The following RSF1 variants were observed in gnomAD, a reference collection of about 807,000 sequenced individuals.
The protein encoded by RSF1 is remodeling and spacing factor 1.
Under a neutral mutation model 145.2 loss-of-function variants are expected in RSF1, and 13 were observed. That is an observed-to-expected ratio of 0.09 (90% CI 0.06 to 0.14). RSF1 has a LOEUF of 0.14. Ranked by LOEUF, RSF1 falls within the 10% of genes least tolerant of loss-of-function variation. The pLI, the probability that RSF1 is intolerant of heterozygous loss-of-function variation, is 1.00. For missense variants in RSF1, 1,517 were observed against 1,718.2 expected (o/e 0.88, Z 2.07); for synonymous variants, 577 against 592.6 (o/e 0.97, Z 0.38).
chr11:77,797,869 A>G (rs1245403673), intron 1 of RSF1, among the ~76,000 whole-genome samples: 1 of 152,226 alleles, frequency 6.6e-6, no homozygotes, highest in Middle Eastern at 3.2e-3. Context: ...GACACTTCTC[A>G]AAAGAAGACA....
At chr11:77,692,206 A>G (rs1454227150) in intron 8 of RSF1, among the ~76,000 whole-genome samples, 2 of 145,088 alleles carry the variant, frequency 1.4e-5, no homozygotes, top group Non-Finnish European at 3.0e-5. Flanking sequence ...TTCATCATTT[A>G]AAAAAAATAA....
chr11:77,764,722 A>C (rs1948208710), intron 1 of RSF1, 33 bp from the exon 2 acceptor site: 1 of 1,189,494 alleles, frequency 8.4e-7, no homozygotes, highest in African/African-American at 1.5e-5. Flanking sequence ...TCATTAGCCA[A>C]CAAAATAAAA....
At chr11:77,813,197 G>A (rs1313910533) in intron 1 of RSF1, 1 of 420,154 alleles carries the variant, frequency 2.4e-6, no homozygotes, top group Admixed American at 3.6e-5. Flanking sequence ...ATTTTTAAAT[G>A]AATATTAAAA....
the RSF1 span, among the ~76,000 whole-genome samples, chr11:77,842,984 A>AT: frequency 6.6e-6 from 1 of 152,198 alleles, no homozygotes; most frequent in East Asian, 1.9e-4. Flanking sequence ...TGTTATAGAT[A>AT]TGCCTATTCT....
At chr11:77,817,342 A>G (rs1948791278) in intron 1 of RSF1, among the ~76,000 whole-genome samples, 1 of 152,206 alleles carries the variant, frequency 6.6e-6, no homozygotes. Context: ...GGACCCTGCT[A>G]TCCTCTTTCC....
At chr11:77,694,950 G>A (rs1287476031) in intron 7 of RSF1, among the ~76,000 whole-genome samples, 1 of 152,156 alleles carries the variant, frequency 6.6e-6, no homozygotes, top group Non-Finnish European at 1.5e-5. Context: ...TTTTGGAGAA[G>A]AGCCTACAGA....
At chr11:77,742,262 T>C (rs1488979777) in intron 3 of RSF1, among the ~76,000 whole-genome samples, 1 of 152,100 alleles carries the variant, frequency 6.6e-6, no homozygotes, top group African/African-American at 2.4e-5. Flanking sequence ...ATTCTCACAA[T>C]CAGCGTGCAA....
intron 3 of RSF1, among the ~76,000 whole-genome samples, chr11:77,742,274 G>A (rs1947949288): frequency 6.6e-6 from 1 of 152,004 alleles, no homozygotes; most frequent in African/African-American, 2.4e-5. Flanking sequence ...AGCGTGCAAG[G>A]GTTCCCTTTT....
At position 77,770,510 on chromosome 11, in the gene RSF1, T is replaced by C. The variant is rs151053747; in HGVS notation, c.188-5821A>G. On this transcript the variant is annotated intron_variant, in intron 1 of 15. Coordinates refer to ENST00000308488, the MANE Select transcript of RSF1 (RefSeq NM_016578.4). The stretch of plus-strand genomic sequence containing the variant: ...AGCACAGAGATTCCAGCTAAGTATA[T>C]GCTCACCTCATTACCATTGTGGAAA... Among the ~76,000 whole-genome samples, 24 of 152,260 alleles carry C rather than the reference T, an allele frequency of 1.6e-4. No individual in the cohort carries two copies. In the East Asian group the frequency reaches 4.6e-3, roughly 29 times the overall value.
At chr11:77,868,568 AG>A in the RSF1 span, among the ~76,000 whole-genome samples, 1 of 147,864 alleles carries the variant, frequency 6.8e-6, no homozygotes, top group Non-Finnish European at 1.5e-5. Flanking sequence ...CATGTTGACC[AG>A]GCTGGTATCA....
chr11:77,663,241 C>G lies in RSF1; in HGVS notation c.*3676G>C, dbSNP rs1017950577. ...GGTTAACATCTCTTATGCCCACAAA[C>G]AAGCTAAAAAAGCATTCCTTGTGAC... On this transcript the variant is annotated 3_prime_UTR_variant, in exon 16 of 16. Coordinates refer to ENST00000308488, the MANE Select transcript of RSF1 (RefSeq NM_016578.4). 2.0e-5 allele frequency: 3 copies of G among 152,118 alleles called. No individual in the cohort carries two copies. The highest frequency in any genetic ancestry group is 4.4e-5 in the Non-Finnish European group (3 of 67,996). 9.4% of individuals were successfully genotyped at this position (152,118 alleles called of 1,614,324 possible). A position where few individuals can be genotyped will look rare whatever the true frequency, so the allele number is the denominator to read the frequency against.
At chr11:77,829,185 G>C in the RSF1 span, among the ~76,000 whole-genome samples, 1 of 134,110 alleles carries the variant, frequency 7.5e-6, no homozygotes, top group East Asian at 2.0e-4. Context: ...CAGAAATAGA[G>C]AGAGAGCTCT....
chr11:77,754,506 CCAAGG>C (rs1234465165), intron 2 of RSF1, among the ~76,000 whole-genome samples: 1 of 152,050 alleles, frequency 6.6e-6, no homozygotes, highest in Non-Finnish European at 1.5e-5. Context: ...CACTGAGAGA[CCAAGG>C]CAGGAGGATT....
the RSF1 span, among the ~76,000 whole-genome samples, chr11:77,841,477 G>C: frequency 6.6e-6 from 1 of 152,146 alleles, no homozygotes; most frequent in Non-Finnish European, 1.5e-5. Context: ...CAAACACCTT[G>C]AGGCAGTAAG....
chr11:77,814,965 G>A (rs983491163), intron 1 of RSF1, among the ~76,000 whole-genome samples: 3 of 152,142 alleles, frequency 2.0e-5, no homozygotes, highest in African/African-American at 7.2e-5. Flanking sequence ...ACTGGAGCTA[G>A]CAGGCACTGC....
intron 1 of RSF1, among the ~76,000 whole-genome samples, chr11:77,801,081 C>A (rs1319155799): frequency 1.3e-5 from 2 of 152,150 alleles, no homozygotes; most frequent in Non-Finnish European, 2.9e-5. Context: ...TAGAACACTT[C>A]CCACACTTCC....
At chr11:77,857,245 G>T in the RSF1 span, among the ~76,000 whole-genome samples, 3 of 152,212 alleles carry the variant, frequency 2.0e-5, no homozygotes, top group Admixed American at 2.0e-4. Context: ...GAATACCTAA[G>T]ACTGCCTAGA....
In RSF1 at chr11:77,661,016, T is replaced by C. The variant is rs1314263812; in HGVS notation, c.*5901A>G. On this transcript the variant is annotated 3_prime_UTR_variant, in exon 16 of 16. Coordinates refer to ENST00000308488, the MANE Select transcript of RSF1 (RefSeq NM_016578.4). ...TGCTAGAATCAGAAGTTCTACAAGA[T>C]TTCAAAATACTTAGTGAATAAGGAA... 2 of 152,194 alleles carry C rather than the reference T, an allele frequency of 1.3e-5. No individual in the cohort carries two copies. The highest frequency in any genetic ancestry group is 2.9e-5 in the Non-Finnish European group (2 of 68,022). 9.4% of individuals were successfully genotyped at this position (152,194 alleles called of 1,614,324 possible).
the RSF1 span, among the ~76,000 whole-genome samples, chr11:77,868,087 G>A: frequency 5.2e-5 from 7 of 134,802 alleles, no homozygotes; most frequent in South Asian, 6.8e-4. Flanking sequence ...ACAGAGTCTC[G>A]TTCTATCGCC....
Sources: gnomAD v4.1 joint callset for allele counts (sites outside exome capture counted in the v4.1 genomes callset) on GRCh38, gnomAD v4.1.1 for gene constraint, MANE v1.5 for transcripts, NCBI Gene and HGNC (gene_info 2026-07-23, HGNC 2026-07-21) for gene names.